Variants in TRHDE observed in about 807,000 individuals in gnomAD.
TRHDE encodes the protein thyrotropin-releasing hormone-degrading ectoenzyme.
Under a neutral mutation model 125.7 loss-of-function variants are expected in TRHDE, and 72 were observed. The ratio of observed to expected loss-of-function variants is 0.57; its 90% CI spans 0.47 to 0.70. The LOEUF (loss-of-function observed/expected upper bound fraction) is 0.70, where lower values mean the gene tolerates loss of function less well. Among genes scored for constraint, TRHDE ranks in the 30% least tolerant of loss-of-function variants. The pLI is 0.00. For missense variants in TRHDE, 1,110 were observed against 1,327.1 expected (o/e 0.84, Z 2.54); for synonymous variants, 509 against 509.1 (o/e 1.00, Z 0.00).
intron 2 of TRHDE, among the ~76,000 whole-genome samples, chr12:72,135,595 AG>A (rs1875966427): frequency 6.6e-6 from 1 of 151,726 alleles, no homozygotes; most frequent in African/African-American, 2.4e-5. Context: ...TAAAAGGACT[AG>A]GGAAAAATGT....
In TRHDE at chr12:72,462,467, TG is replaced by T. The variant is rs1876170118; in HGVS notation, c.1316-7289del. On this transcript the variant is annotated intron_variant, in intron 3 of 18. Coordinates refer to ENST00000261180, the MANE Select transcript of TRHDE (RefSeq NM_013381.3). ...CCTAAGGCCCTTTCCTGGGTGGTGT[TG>T]GTAGTGGTTATACATCTGTGTGGCT... 6.6e-5 allele frequency among the ~76,000 whole-genome samples: 10 copies of T among 152,270 alleles called. No individual in the cohort carries two copies. The Middle Eastern group carries it at 0.01, about 155-fold the overall frequency.
intron 13 of TRHDE, 125 bp from the exon 14 acceptor site, chr12:72,620,983 A>G (rs1184588669): frequency 1.9e-6 from 1 of 513,642 alleles, no homozygotes; most frequent in Admixed American, 3.4e-5. Flanking sequence ...CTGTACTTAT[A>G]ATTTTATGGA....
intron 2 of TRHDE, among the ~76,000 whole-genome samples, chr12:72,176,956 GT>G (rs913880064): frequency 4.6e-5 from 7 of 150,922 alleles, no homozygotes; most frequent in Middle Eastern, 3.4e-3. Context: ...TTTTTTTTGT[GT>G]TTTTTTTTCC....
At chr12:72,595,100 C>A (rs1871873329) in intron 12 of TRHDE, among the ~76,000 whole-genome samples, 1 of 110,476 alleles carries the variant, frequency 9.1e-6, no homozygotes, top group Non-Finnish European at 1.7e-5. Flanking sequence ...ACATCACACT[C>A]TGGGGACTGT....
At chr12:72,513,266 C>G (rs1465698088) in intron 6 of TRHDE, among the ~76,000 whole-genome samples, 2 of 151,982 alleles carry the variant, frequency 1.3e-5, no homozygotes, top group East Asian at 3.9e-4. Flanking sequence ...ATATATAAAC[C>G]TCAATCAGAG....
At chr12:72,349,459 T>C (rs1870481098) in intron 2 of TRHDE, among the ~76,000 whole-genome samples, 1 of 152,014 alleles carries the variant, frequency 6.6e-6, no homozygotes, top group Admixed American at 6.6e-5. Context: ...AGTATGAACA[T>C]GGTTTGATTT....
chr12:72,360,005 A>G (rs1870995920), intron 2 of TRHDE, among the ~76,000 whole-genome samples: 1 of 151,708 alleles, frequency 6.6e-6, no homozygotes, highest in African/African-American at 2.4e-5. Context: ...GTGGAAAGGC[A>G]AGATAATTCA....
At chr12:72,320,862 A>T (rs1043311680) in intron 2 of TRHDE, among the ~76,000 whole-genome samples, 1 of 152,120 alleles carries the variant, frequency 6.6e-6, no homozygotes, top group Admixed American at 6.5e-5. Flanking sequence ...TTTGCATTTC[A>T]TGGTAGAGTG....
intron 12 of TRHDE, among the ~76,000 whole-genome samples, chr12:72,597,944 C>CT (rs1592563166): frequency 6.6e-6 from 1 of 150,946 alleles, no homozygotes; most frequent in Non-Finnish European, 1.5e-5. Flanking sequence ...TGTTGCAATC[C>CT]TTTTTTTATT....
intron 2 of TRHDE, among the ~76,000 whole-genome samples, chr12:72,375,640 T>A (rs991333776): frequency 1.3e-5 from 2 of 152,220 alleles, no homozygotes; most frequent in Non-Finnish European, 2.9e-5. Context: ...TTTTGAAAGC[T>A]ATTCATTCTT....
At chr12:72,661,218 A>G (rs761460353) in intron 18 of TRHDE, among the ~76,000 whole-genome samples, 29 of 152,128 alleles carry the variant, frequency 1.9e-4, no homozygotes, top group Non-Finnish European at 3.2e-4. Flanking sequence ...CTCTCTGTCA[A>G]TAAACGTTCA....
intron 2 of TRHDE, among the ~76,000 whole-genome samples, chr12:72,245,510 G>T (rs748646078): frequency 2.0e-5 from 3 of 151,792 alleles, no homozygotes; most frequent in Non-Finnish European, 4.4e-5. Context: ...TGTCTTCAAG[G>T]TTTCATAGTC....
chr12:72,273,609 A>C lies in TRHDE; in HGVS notation c.914+52A>C. The C allele has an allele frequency of 6.6e-7, 1 of 1,508,660 alleles. No homozygotes were observed. The highest frequency in any genetic ancestry group is 8.9e-7 in the Non-Finnish European group (1 of 1,126,450). The allele number at this position is 1,508,660 out of a possible 1,614,324, so 93.5% of individuals were successfully genotyped here. A position where few individuals can be genotyped will look rare whatever the true frequency, so the allele number is the denominator to read the frequency against. On this transcript the variant is annotated intron_variant, in intron 1 of 18. Coordinates refer to ENST00000261180, the MANE Select transcript of TRHDE (RefSeq NM_013381.3). The surrounding 1 kb of genome is among the most constrained non-coding windows in gnomAD (Gnocchi z 5.3). ...TGCCCCACCCCGGCGCGCGGCTCGA[A>C]CCTCTGGGCGGCCTGCGACCCCGGG... is the stretch of plus-strand genomic sequence containing the variant.
chr12:72,514,901 T>A (rs1220288128), intron 6 of TRHDE, among the ~76,000 whole-genome samples: 1 of 147,710 alleles, frequency 6.8e-6, no homozygotes, highest in Non-Finnish European at 1.5e-5. Flanking sequence ...GGTTTTTTGT[T>A]CTTGCGATAG....
At chr12:72,374,644 G>A (rs1024550353) in intron 2 of TRHDE, among the ~76,000 whole-genome samples, 1 of 152,092 alleles carries the variant, frequency 6.6e-6, no homozygotes, top group Non-Finnish European at 1.5e-5. Flanking sequence ...AGAAAAGTAA[G>A]AGAAGCGAAT....
At chr12:72,404,115 A>T (rs1459953104) in intron 3 of TRHDE, among the ~76,000 whole-genome samples, 1 of 152,124 alleles carries the variant, frequency 6.6e-6, no homozygotes, top group East Asian at 1.9e-4. Flanking sequence ...CAAGCTGCTG[A>T]TAAAGACATA....
chr12:72,138,963 G>A (rs568275142), intron 2 of TRHDE, among the ~76,000 whole-genome samples: 1 of 152,272 alleles, frequency 6.6e-6, no homozygotes, highest in East Asian at 1.9e-4. Context: ...ACTCATTTCT[G>A]CTCTATAAAA....
intron 2 of TRHDE, among the ~76,000 whole-genome samples, chr12:72,204,925 A>G (rs998648050): frequency 6.6e-6 from 1 of 152,228 alleles, no homozygotes; most frequent in Non-Finnish European, 1.5e-5. Context: ...TGGATTTGCC[A>G]TCTTTATTTC....
chr12:72,357,878 A>G (rs1334388895), intron 2 of TRHDE, among the ~76,000 whole-genome samples: 2 of 151,594 alleles, frequency 1.3e-5, no homozygotes, highest in African/African-American at 4.8e-5. Flanking sequence ...AATACCAAGA[A>G]TCAGTATCAA....
Sources: allele counts gnomAD v4.1 joint callset (sites outside exome capture counted in the v4.1 genomes callset), GRCh38; gene constraint gnomAD v4.1.1; non-coding constraint Gnocchi (gnomAD v3.1); transcripts MANE v1.5; gene names NCBI Gene and HGNC (gene_info 2026-07-23, HGNC 2026-07-21).